The following ESRRB variants were observed in gnomAD, a reference collection of about 807,000 sequenced individuals.
ESRRB encodes steroid hormone receptor ERR2.
In ESRRB, 16 loss-of-function variants were observed where a neutral mutation model predicts 46.0. That is an observed-to-expected ratio of 0.35 (90% CI 0.24 to 0.53). ESRRB has a LOEUF of 0.53. Ranked by LOEUF, ESRRB falls within the 20% of genes least tolerant of loss-of-function variation. ESRRB has a pLI of 0.93. For synonymous variants in ESRRB, 246 were observed against 259.6 expected (o/e 0.95, Z 0.50); for missense variants, 488 against 607.4 (o/e 0.80, Z 2.07).
intron 3 of ESRRB, among the ~76,000 whole-genome samples, chr14:76,475,628 C>A (rs997027713): frequency 3.5e-4 from 53 of 152,198 alleles, no homozygotes; most frequent in Admixed American, 2.6e-4. Context: ...CATTGTCCTA[C>A]AGGCGTCTGT....
intron 3 of ESRRB, among the ~76,000 whole-genome samples, chr14:76,468,597 G>A (rs1057027772): frequency 6.6e-6 from 1 of 152,060 alleles, no homozygotes; most frequent in South Asian, 2.1e-4. Flanking sequence ...TTGGATAACG[G>A]TACGGTGGTC....
At chr14:76,352,969 G>A (rs898858175) in intron 1 of ESRRB, among the ~76,000 whole-genome samples, 6 of 152,226 alleles carry the variant, frequency 3.9e-5, no homozygotes, top group African/African-American at 1.2e-4. Context: ...ACACGGCCCC[G>A]AATCGCCGCG....
intron 1 of ESRRB, among the ~76,000 whole-genome samples, chr14:76,332,856 A>ATTTT (rs1376299931): frequency 2.9e-5 from 1 of 34,638 alleles, no homozygotes; most frequent in Non-Finnish European, 4.9e-5. Flanking sequence ...TATATTATAT[A>ATTTT]TTTATATATA....
rs191438136 is a variant in ESRRB, at chr14:76,445,878, G to T, written c.460+6128G>T. 6.6e-4 allele frequency among the ~76,000 whole-genome samples: 100 copies of T among 152,224 alleles called. 1 individual carries two copies. The highest frequency in any genetic ancestry group is 3.4e-3 in the Middle Eastern group (1 of 294). ...TTTTTGTATTTTCAGTAGAGACAGGGTTTCACCATGTTGGCCAGGCTGGTC... is the reference window on the plus strand; with the variant it reads ...TTTTTGTATTTTCAGTAGAGACAGGTTTTCACCATGTTGGCCAGGCTGGTC... On this transcript the variant is annotated intron_variant, in intron 2 of 6. Coordinates refer to ENST00000644823, the MANE Select transcript of ESRRB (RefSeq NM_001379180.1).
At chr14:76,368,867 C>A (rs1423980479), upstream of ESRRB, among the ~76,000 whole-genome samples, 1 of 152,164 alleles carries the variant, frequency 6.6e-6, no homozygotes, top group Non-Finnish European at 1.5e-5. Flanking sequence ...AGGTAATGGT[C>A]AGCCAGCACT....
At chr14:76,403,637 CT>C (rs1224267589) in intron 1 of ESRRB, among the ~76,000 whole-genome samples, 1 of 152,170 alleles carries the variant, frequency 6.6e-6, no homozygotes, top group East Asian at 1.9e-4. Flanking sequence ...CATTTCCTTG[CT>C]GCACGAGGCC....
At chr14:76,333,656 G>C (rs1195384485) in intron 1 of ESRRB, among the ~76,000 whole-genome samples, 1 of 150,378 alleles carries the variant, frequency 6.6e-6, no homozygotes, top group Non-Finnish European at 1.5e-5. Context: ...AGAAACAGTT[G>C]AAATCAGTTT....
intron 3 of ESRRB, among the ~76,000 whole-genome samples, chr14:76,480,411 A>T (rs1889763046): frequency 6.6e-6 from 1 of 152,208 alleles, no homozygotes; most frequent in Admixed American, 6.5e-5. Context: ...AGCATCCCAA[A>T]GTTCCTTTAG....
intron 1 of ESRRB, among the ~76,000 whole-genome samples, chr14:76,353,495 T>TTCA (rs1192413056): frequency 6.6e-6 from 1 of 152,176 alleles, no homozygotes; most frequent in Non-Finnish European, 1.5e-5. Flanking sequence ...GCCCCATCAC[T>TTCA]TCATCATCAT....
intron 1 of ESRRB, among the ~76,000 whole-genome samples, chr14:76,324,555 C>T (rs1883905366): frequency 6.6e-6 from 1 of 152,196 alleles, no homozygotes; most frequent in Admixed American, 6.5e-5. Context: ...TTCCATCTCT[C>T]TCCAGGTTGA....
At chr14:76,487,896 C>T (rs1890081565) in intron 5 of ESRRB, among the ~76,000 whole-genome samples, 1 of 152,218 alleles carries the variant, frequency 6.6e-6, no homozygotes, top group Non-Finnish European at 1.5e-5. Flanking sequence ...AGCCACCGTG[C>T]CTGGCCACTA....
At chr14:76,350,967 G>A (rs1257928935) in intron 1 of ESRRB, among the ~76,000 whole-genome samples, 1 of 152,194 alleles carries the variant, frequency 6.6e-6, no homozygotes, top group East Asian at 1.9e-4. Flanking sequence ...TCTGCCAGAT[G>A]AATACACCTT....
chr14:76,388,544 G>A lies in ESRRB; in HGVS notation c.50+12093G>A, dbSNP rs183254661. ...CACCTTGTGTAGATCTAACACTTGG[G>A]CAAAGTTTAAGGTGGTGGTGGAGGG... On this transcript the variant is annotated intron_variant, in intron 1 of 6. Transcript: ENST00000644823. Among the ~76,000 whole-genome samples, 18 of 110,010 alleles carry A rather than the reference G, an allele frequency of 1.6e-4. No homozygotes were observed. In the East Asian group the frequency reaches 3.0e-3, roughly 18 times the overall value. The allele number at this position is 110,010 out of a possible 152,430, so 72.2% of individuals were successfully genotyped here. A position where few individuals can be genotyped will look rare whatever the true frequency, so the allele number is the denominator to read the frequency against.
chr14:76,334,975 ACT>A (rs1358105540), intron 1 of ESRRB, among the ~76,000 whole-genome samples: 8 of 151,524 alleles, frequency 5.3e-5, no homozygotes, highest in Non-Finnish European at 1.0e-4. Context: ...ATTCTCTGAG[ACT>A]CTATCAGGCA....
Position 76,439,477 on chromosome 14 carries a change from A to G in ESRRB, c.187A>G (p.Ser63Gly), listed in dbSNP as rs1887821162. 6.2e-7 allele frequency: 1 copy of G among 1,612,106 alleles called. No homozygotes were observed. The highest frequency in any genetic ancestry group is 1.3e-5 in the African/African-American group (1 of 74,940). ...CAGCCCCAGTGGCTCGTCCGACGCC[A>G]GCGGCGGCTTTGGCCTGGCCCTGGG... ...HHSPSGSSDA[S>G]GGFGLALGTH... The change falls in exon 2 of 7, where the codon AGC becomes GGC. Residue 63 changes from serine to glycine, a missense_variant. Physicochemically the swap from Ser to Gly is moderately conservative, Grantham distance 56. Coordinates refer to ENST00000644823, the MANE Select transcript of ESRRB (RefSeq NM_001379180.1).
intron 1 of ESRRB, among the ~76,000 whole-genome samples, chr14:76,419,706 A>G (rs1221425512): frequency 3.3e-5 from 5 of 152,196 alleles, no homozygotes; most frequent in Admixed American, 6.5e-5. Flanking sequence ...GATCCTCACA[A>G]TAACTCCATG....
intron 1 of ESRRB, among the ~76,000 whole-genome samples, chr14:76,336,823 C>T (rs1010822181): frequency 1.3e-5 from 2 of 152,136 alleles, no homozygotes; most frequent in African/African-American, 4.8e-5. Flanking sequence ...ACAAAAGTCT[C>T]TATTTCAGTG....
intron 1 of ESRRB, among the ~76,000 whole-genome samples, chr14:76,431,122 C>T (rs756968945): frequency 2.0e-5 from 3 of 152,148 alleles, no homozygotes; most frequent in Non-Finnish European, 4.4e-5. Flanking sequence ...ATGGTGAAAC[C>T]CGTCTTTACT....
Position 76,405,235 on chromosome 14 carries a change from G to A in ESRRB, c.50+28784G>A, listed in dbSNP as rs149954460. Among the ~76,000 whole-genome samples, 225 of 152,168 alleles carry A rather than the reference G, an allele frequency of 1.5e-3. 1 individual carries two copies. Among genetic ancestry groups the A allele is most frequent in the African/African-American group, 5.0e-3 (208 of 41,520 alleles). ...TCCCACCTCAGCCTCCCAAGTAGCT[G>A]GGACTACAGGCACACACCACTGCAC... On this transcript the variant is annotated intron_variant, in intron 1 of 6. Coordinates refer to ENST00000644823, the MANE Select transcript of ESRRB (RefSeq NM_001379180.1).
Sources: gnomAD v4.1 joint callset for allele counts (sites outside exome capture counted in the v4.1 genomes callset) on GRCh38, gnomAD v4.1.1 for gene constraint, MANE v1.5 for transcripts, NCBI Gene and HGNC (gene_info 2026-07-23, HGNC 2026-07-21) for gene names.